ZNF600: variants seen among roughly 807,000 people sequenced by gnomAD.
ZNF600 encodes the protein zinc finger protein 600.
A neutral mutation model predicts 7.3 loss-of-function variants in ZNF600; 4 were observed. The observed-to-expected ratio is 0.55, with a 90% CI of 0.27 to 1.25. ZNF600 has a LOEUF of 1.25. Among genes scored for constraint, ZNF600 ranks in the 50% most tolerant of loss-of-function variants. The pLI is 0.12. For synonymous variants in ZNF600, 290 were observed against 308.9 expected, an observed-to-expected ratio of 0.94 and a Z score of 0.64; for missense variants, 911 against 922.1, an observed-to-expected ratio of 0.99 and a Z score of 0.16.
chr19:52,787,784 C>T (rs1167066145), upstream of ZNF600, among the ~76,000 whole-genome samples: 5 of 146,812 alleles, frequency 3.4e-5, no homozygotes, highest in African/African-American at 1.3e-4. Context: ...GGAGTGAACC[C>T]GGGAGGCGGA....
intron 3 of ZNF600, among the ~76,000 whole-genome samples, chr19:52,770,659 A>G (rs776533614): frequency 3.9e-5 from 6 of 152,208 alleles, no homozygotes; most frequent in Non-Finnish European, 7.3e-5. Context: ...TTGCACAATA[A>G]GAACAAAAAA....
the ZNF600 span, among the ~76,000 whole-genome samples, chr19:52,811,813 C>A: frequency 6.8e-6 from 1 of 146,350 alleles, no homozygotes; most frequent in African/African-American, 2.6e-5. Flanking sequence ...AGGTGAGGGG[C>A]TCCTCTGCCC....
intron 1 of ZNF600, chr19:52,781,039 G>A (rs112385706): frequency 1.3e-5 from 2 of 152,422 alleles, no homozygotes; most frequent in African/African-American, 4.8e-5. Flanking sequence ...CAGGATTGTA[G>A]AGCTCAGGGG....
chr19:52,802,002 T>C, the ZNF600 span, among the ~76,000 whole-genome samples: 18 of 152,250 alleles, frequency 1.2e-4, no homozygotes, highest in African/African-American at 4.3e-4. Flanking sequence ...TATCACACTT[T>C]GCAAAAAACA....
chr19:52,786,751 C>A (rs1472452745), exon 1 of ZNF600: 5 of 377,200 alleles, frequency 1.3e-5, no homozygotes, highest in Non-Finnish European at 2.7e-5. Flanking sequence ...AGGACCTTCA[C>A]TCCACGCGAT....
chr19:52,818,047 A>G, the ZNF600 span: 1 of 1,590,098 alleles, frequency 6.3e-7, no homozygotes, highest in East Asian at 2.2e-5. Context: ...TGTTAAAAAT[A>G]TGTTGTTTAT....
chr19:52,797,903 A>G, the ZNF600 span: 1 of 152,194 alleles, frequency 6.6e-6, no homozygotes, highest in Admixed American at 6.6e-5. Context: ...TGGGTGAATC[A>G]TAAGATCAGA....
At chr19:52,766,259 C>A in exon 4 of ZNF600, 2 of 1,614,144 alleles carry the variant, frequency 1.2e-6, no homozygotes, top group Non-Finnish European at 1.7e-6. Flanking sequence ...ACTCATTACA[C>A]TTGTAAGGTT....
In ZNF600 at chr19:52,777,240, A is replaced by T. The variant is rs1434364013; in HGVS notation, c.63+1586T>A. Among the ~76,000 whole-genome samples, 22 of 151,590 alleles carry T rather than the reference A, an allele frequency of 1.5e-4. 1 individual carries two copies. In the South Asian group the frequency reaches 2.1e-3, roughly 14 times the overall value. On this transcript the variant is annotated intron_variant, in intron 2 of 3. Transcript: ENST00000648973. The stretch of plus-strand genomic sequence containing the variant: ...AAAAATACAAAAAATTAAACAGGCG[A>T]GGCAGCAAATGCCTGTAATCCCAGA...
At chr19:52,777,366 G>C (rs1043927370) in intron 2 of ZNF600, among the ~76,000 whole-genome samples, 63 of 152,204 alleles carry the variant, frequency 4.1e-4, no homozygotes, top group African/African-American at 1.2e-3. Flanking sequence ...AACGGAGCGA[G>C]ACTCCATCTC....
At chr19:52,810,817 T>C in the ZNF600 span, 54 of 322,628 alleles carry the variant, frequency 1.7e-4, 2 homozygotes, top group East Asian at 3.2e-3. Flanking sequence ...GAAAAAAATA[T>C]ATATATATTT....
the ZNF600 span, chr19:52,810,694 T>C: frequency 1.2e-6 from 1 of 803,392 alleles, no homozygotes. Context: ...GACATCACGG[T>C]ATTCCCCTTA....
intron 1 of ZNF600, among the ~76,000 whole-genome samples, chr19:52,780,069 C>T (rs1429489688): frequency 1.3e-5 from 2 of 152,054 alleles, no homozygotes; most frequent in African/African-American, 4.8e-5. Flanking sequence ...TTCTCTGTGA[C>T]CTGGAAGCCC....
chr19:52,833,554 G>C, the ZNF600 span, among the ~76,000 whole-genome samples: 111 of 152,310 alleles, frequency 7.3e-4, 2 homozygotes, highest in East Asian at 0.021. Context: ...ACCTGAGGAA[G>C]AGCCATGCCT....
chr19:52,777,535 C>T (rs552580041), intron 2 of ZNF600, among the ~76,000 whole-genome samples: 46 of 152,064 alleles, frequency 3.0e-4, no homozygotes, highest in Admixed American at 5.2e-4. Flanking sequence ...AATAAAAATA[C>T]GATATAAAAA....
At chr19:52,831,122 T>C in the ZNF600 span, among the ~76,000 whole-genome samples, 1 of 152,144 alleles carries the variant, frequency 6.6e-6, no homozygotes, top group South Asian at 2.1e-4. Flanking sequence ...ATGCCTTGTA[T>C]AGATTCCAGA....
chr19:52,790,236 C>G (rs145633541), upstream of ZNF600, among the ~76,000 whole-genome samples: 1 of 152,172 alleles, frequency 6.6e-6, no homozygotes, highest in Non-Finnish European at 1.5e-5. Context: ...ATGTGCCCCA[C>G]GCCTTTAATT....
chr19:52,797,706 CAT>C, the ZNF600 span: 1 of 153,344 alleles, frequency 6.5e-6, no homozygotes, highest in African/African-American at 2.4e-5. Context: ...TGATTAAAAA[CAT>C]ATAAATACAC....
At chr19:52,817,352 A>G in the ZNF600 span, among the ~76,000 whole-genome samples, 1 of 152,186 alleles carries the variant, frequency 6.6e-6, no homozygotes, top group Non-Finnish European at 1.5e-5. Context: ...AGCCTGGATA[A>G]CAAGAGTGAA....
Sources: allele counts gnomAD v4.1 joint callset (sites outside exome capture counted in the v4.1 genomes callset), GRCh38; gene constraint gnomAD v4.1.1; transcripts MANE v1.5; gene names NCBI Gene and HGNC (gene_info 2026-07-23, HGNC 2026-07-21).